Variants in MGAT4C observed in about 807,000 individuals in gnomAD.
MGAT4C encodes MGAT4 family member C.
MGAT4C carries 19 observed loss-of-function variants against 40.1 expected under a neutral mutation model. The observed-to-expected ratio is 0.47, with a 90% CI of 0.33 to 0.70. The LOEUF is 0.70. Among genes scored for constraint, MGAT4C ranks in the 30% least tolerant of loss-of-function variants. The probability of loss-of-function intolerance (pLI) is 0.02; values close to 1 mark genes in which losing one functional copy is unlikely to be tolerated. For synonymous variants in MGAT4C, 181 were observed against 187.1 expected (o/e 0.97, Z 0.27); for missense variants, 491 against 563.2 (o/e 0.87, Z 1.30).
At chr12:86,683,830 C>G (rs191692006) in intron 2 of MGAT4C, among the ~76,000 whole-genome samples, 5 of 152,272 alleles carry the variant, frequency 3.3e-5, no homozygotes, top group African/African-American at 1.2e-4. Context: ...GTAACCTCTG[C>G]ATCTGCACTC....
chr12:86,453,748 T>C (rs953876199), intron 2 of MGAT4C, among the ~76,000 whole-genome samples: 1 of 152,060 alleles, frequency 6.6e-6, no homozygotes, highest in Non-Finnish European at 1.5e-5. Context: ...AATAAGATAA[T>C]TATTCTTATG....
chr12:86,783,491 A>T (rs762813597), intron 1 of MGAT4C, among the ~76,000 whole-genome samples: 6 of 150,966 alleles, frequency 4.0e-5, no homozygotes, highest in African/African-American at 7.3e-5. Context: ...CCACAATTAC[A>T]ATTTTATTTT....
intron 1 of MGAT4C, among the ~76,000 whole-genome samples, chr12:86,072,286 AAGC>A: frequency 6.6e-6 from 1 of 152,254 alleles, no homozygotes; most frequent in Admixed American, 6.6e-5. Context: ...TTTCTGAAGA[AAGC>A]AAAGTAAGAG....
At chr12:86,011,835 T>A in intron 2 of MGAT4C, 1 of 985,158 alleles carries the variant, frequency 1.0e-6, no homozygotes, top group Non-Finnish European at 1.2e-6. Flanking sequence ...AAGTAAAACT[T>A]TGGTCTCAAA....
rs113428637 is a variant in MGAT4C at position 86,463,004 on chromosome 12, C to G, written c.-228-27739G>C. ...AATCAAGTTGACACTCAATATTAAC[C>G]ATCACAACCTCCATTTGTAGTGACT... On this transcript the variant is annotated intron_variant, in intron 2 of 7. Transcript: ENST00000548651. Among the ~76,000 whole-genome samples the G allele has an allele frequency of 6.5e-3, 988 of 152,016 alleles. 11 individuals carry two copies. The highest frequency in any genetic ancestry group is 0.023 in the African/African-American group (945 of 41,432).
At chr12:86,029,333 C>A (rs900854502) in intron 2 of MGAT4C, among the ~76,000 whole-genome samples, 1 of 151,816 alleles carries the variant, frequency 6.6e-6, no homozygotes, top group Non-Finnish European at 1.5e-5. Context: ...TCTACTCTCA[C>A]GAGAAAAACT....
intron 2 of MGAT4C, among the ~76,000 whole-genome samples, chr12:86,014,465 T>C (rs1888855743): frequency 6.6e-6 from 1 of 152,120 alleles, no homozygotes; most frequent in Admixed American, 6.5e-5. Flanking sequence ...TGTGCTGCGA[T>C]GTGAATCAAG....
chr12:86,775,809 A>C (rs1951738159), intron 1 of MGAT4C, among the ~76,000 whole-genome samples: 1 of 151,066 alleles, frequency 6.6e-6, no homozygotes, highest in African/African-American at 2.4e-5. Flanking sequence ...CTATTTTTCT[A>C]AACTTTTAAA....
At chr12:86,332,654 G>T (rs75833894) in intron 4 of MGAT4C, among the ~76,000 whole-genome samples, 2,496 of 137,040 alleles carry the variant, frequency 0.018, 22 homozygotes, top group East Asian at 0.06. Context: ...GTTTTTTTTT[G>T]TGTGTGTGTG....
chr12:86,296,831 A>T (rs1042684317), intron 4 of MGAT4C, among the ~76,000 whole-genome samples: 1 of 152,188 alleles, frequency 6.6e-6, no homozygotes, highest in African/African-American at 2.4e-5. Context: ...CAGCCCAGAA[A>T]GGGGCTCCCA....
chr12:86,269,616 T>G (rs1952890960), intron 4 of MGAT4C, among the ~76,000 whole-genome samples: 1 of 151,912 alleles, frequency 6.6e-6, no homozygotes, highest in Admixed American at 6.6e-5. Flanking sequence ...TATTTTTCAC[T>G]TTCTCCTCAT....
chr12:86,823,578 G>T (rs555039300), intron 1 of MGAT4C, among the ~76,000 whole-genome samples: 168 of 151,122 alleles, frequency 1.1e-3, no homozygotes, highest in Admixed American at 3.4e-3. Context: ...AAAGCTCAGG[G>T]AAAGAGTAAA....
intron 4 of MGAT4C, among the ~76,000 whole-genome samples, chr12:86,294,193 A>G (rs1953602816): frequency 6.6e-6 from 1 of 151,940 alleles, no homozygotes. Flanking sequence ...TATTTTACTT[A>G]GCTAACTCGT....
chr12:86,433,438 A>AC (rs1957080399), intron 3 of MGAT4C, among the ~76,000 whole-genome samples: 1 of 151,168 alleles, frequency 6.6e-6, no homozygotes, highest in South Asian at 2.1e-4. Context: ...GGGAATTGAT[A>AC]CTTTTTTGTT....
chr12:85,994,197 CAA>C (rs1886325736), intron 2 of MGAT4C, among the ~76,000 whole-genome samples: 1 of 152,178 alleles, frequency 6.6e-6, no homozygotes, highest in Non-Finnish European at 1.5e-5. Flanking sequence ...ATATAATTCC[CAA>C]GAGTTGACAA....
intron 4 of MGAT4C, among the ~76,000 whole-genome samples, chr12:86,328,485 T>C (rs1445398343): frequency 6.6e-6 from 1 of 152,090 alleles, no homozygotes; most frequent in Non-Finnish European, 1.5e-5. Flanking sequence ...AGTCATAGGA[T>C]TCAAGGTCAG....
chr12:86,724,019 T>C (rs1950780334), intron 2 of MGAT4C, among the ~76,000 whole-genome samples: 1 of 152,174 alleles, frequency 6.6e-6, no homozygotes, highest in South Asian at 2.1e-4. Flanking sequence ...AATTTGAACA[T>C]GTATTTGTTC....
chr12:86,016,173 ACAATCCTTTTTCTAGAAGG>A (rs1443272849), intron 2 of MGAT4C: 1 of 152,190 alleles, frequency 6.6e-6, no homozygotes, highest in Non-Finnish European at 1.5e-5. Flanking sequence ...CTCAACTGGG[ACAATCCTTTTTCTAGAAGG>A]AAACACTAAT....
intron 1 of MGAT4C, among the ~76,000 whole-genome samples, chr12:86,132,791 C>CAAAAAAAAAAAAAAAAAAAAAAAAAAA (rs60321690): frequency 1.1e-5 from 1 of 93,730 alleles, no homozygotes; most frequent in African/African-American, 4.2e-5. Flanking sequence ...GACTCCGTCT[C>CAAAAAAAAAAAAAAAAAAAAAAAAAAA]AAAAAAAAAA....
Sources: allele counts gnomAD v4.1 joint callset (sites outside exome capture counted in the v4.1 genomes callset), GRCh38; gene constraint gnomAD v4.1.1; transcripts MANE v1.5; gene names NCBI Gene and HGNC (gene_info 2026-07-23, HGNC 2026-07-21).